Variants in ARL15 observed in about 807,000 individuals in gnomAD.
ARL15 encodes ARF like GTPase 15.
A neutral mutation model predicts 25.2 loss-of-function variants in ARL15; 19 were observed. The observed-to-expected ratio is 0.75, with a 90% CI of 0.53 to 1.10. The LOEUF is 1.10. ARL15 is among the 50% of genes least tolerant of loss of function. ARL15 has a pLI of 0.00. For synonymous variants in ARL15, 94 were observed against 86.8 expected, an observed-to-expected ratio of 1.08 and a Z score of -0.46; for missense variants, 220 against 246.0, an observed-to-expected ratio of 0.89 and a Z score of 0.71.
intron 1 of ARL15, among the ~76,000 whole-genome samples, chr5:54,252,728 T>C (rs1029515715): frequency 6.6e-6 from 1 of 152,170 alleles, no homozygotes; most frequent in Non-Finnish European, 1.5e-5. Context: ...AAGTTTGTTT[T>C]GTTTTGTATT....
At chr5:54,310,292 T>A in intron 1 of ARL15, 140 bp downstream of exon 1, 1 of 988,608 alleles carries the variant, frequency 1.0e-6, no homozygotes, top group South Asian at 1.8e-5. Context: ...GGGAAAGGCT[T>A]ACCAGCCGGC....
At chr5:54,229,544 A>C (rs1157730250) in intron 1 of ARL15, among the ~76,000 whole-genome samples, 1 of 152,232 alleles carries the variant, frequency 6.6e-6, no homozygotes, top group Non-Finnish European at 1.5e-5. Context: ...ACTAACAAAC[A>C]GTTTTAGAGA....
At position 54,052,467 on chromosome 5, in the gene ARL15, G is replaced by A. The variant is rs576745399; in HGVS notation, c.462+60735C>T. On this transcript the variant is annotated intron_variant, in intron 4 of 4. Transcript: ENST00000504924. ...AGACTAAAGGTAAAGGAAACTGTAC[G>A]TAAGAATTGTCTCCCACAGGGGTAT... Among the ~76,000 whole-genome samples the A allele has an allele frequency of 1.1e-4, 17 of 152,226 alleles. No homozygotes were observed. The South Asian group carries it at 1.7e-3, about 15-fold the overall frequency.
intron 4 of ARL15, among the ~76,000 whole-genome samples, chr5:53,900,498 A>T (rs1745027398): frequency 1.3e-5 from 2 of 151,768 alleles, no homozygotes; most frequent in Non-Finnish European, 1.5e-5. Context: ...TTGGATAATT[A>T]TTCCCTATTT....
chr5:54,308,558 A>T (rs1277608533), intron 1 of ARL15, among the ~76,000 whole-genome samples: 1 of 152,198 alleles, frequency 6.6e-6, no homozygotes, highest in African/African-American at 2.4e-5. Flanking sequence ...CAGGTAAAAC[A>T]AAAAGGCCAA....
chr5:54,055,421 C>T (rs900051234), intron 4 of ARL15, among the ~76,000 whole-genome samples: 3 of 127,020 alleles, frequency 2.4e-5, no homozygotes, highest in East Asian at 2.4e-4. Flanking sequence ...AGTGCTGTGG[C>T]GTGATCTTGG....
At chr5:54,243,734 A>G (rs1161438982) in intron 1 of ARL15, among the ~76,000 whole-genome samples, 1 of 152,254 alleles carries the variant, frequency 6.6e-6, no homozygotes, top group Non-Finnish European at 1.5e-5. Context: ...GAAGCTAGAA[A>G]ACAAATTTTG....
intron 4 of ARL15, among the ~76,000 whole-genome samples, chr5:53,915,893 G>A (rs1745629461): frequency 6.6e-6 from 1 of 152,096 alleles, no homozygotes; most frequent in Non-Finnish European, 1.5e-5. Context: ...TTCGCCTCTT[G>A]GTTCCCAATT....
At position 53,924,958 on chromosome 5, in the gene ARL15, A is replaced by T. The variant is rs889404704; in HGVS notation, c.463-38245T>A. 2.0e-5 allele frequency among the ~76,000 whole-genome samples: 3 copies of T among 152,304 alleles called. No homozygotes were observed. In the South Asian group the frequency reaches 6.2e-4, roughly 32 times the overall value. On this transcript the variant is annotated intron_variant, in intron 4 of 4. Transcript: ENST00000504924. ...GTTAGACATATTAGACACAAGAAAG[A>T]ATTCAACTCCTTCAAAAGGTGCTTA...
At chr5:54,063,783 T>C (rs1432728980) in intron 4 of ARL15, among the ~76,000 whole-genome samples, 1 of 152,214 alleles carries the variant, frequency 6.6e-6, no homozygotes, top group African/African-American at 2.4e-5. Flanking sequence ...ACCACTTCCA[T>C]GTCTTGCACT....
chr5:54,170,142 T>C (rs923099083), intron 2 of ARL15, among the ~76,000 whole-genome samples: 2 of 152,180 alleles, frequency 1.3e-5, no homozygotes, highest in African/African-American at 4.8e-5. Flanking sequence ...AAGCCAGGAA[T>C]TGAGACAGCC....
At chr5:54,028,109 G>A (rs1290158662) in intron 4 of ARL15, among the ~76,000 whole-genome samples, 1 of 151,950 alleles carries the variant, frequency 6.6e-6, no homozygotes, top group African/African-American at 2.4e-5. Context: ...TTTTAGTAAA[G>A]ACGGGGTTTC....
rs1561227273 is a variant in ARL15, at chr5:54,109,789, G to A, written c.462+3413C>T. 4.0e-5 allele frequency among the ~76,000 whole-genome samples: 6 copies of A among 151,868 alleles called. No homozygotes were observed. The South Asian group carries it at 1.2e-3, about 31-fold the overall frequency. On this transcript the variant is annotated intron_variant, in intron 4 of 4. Transcript: ENST00000504924. ...ACATAATAATAAATTTTTCTCGAAT[G>A]CTTTCTATAGAGAAAAATAGTTGAT...
chr5:54,256,169 T>C (rs1757355923), intron 1 of ARL15, among the ~76,000 whole-genome samples: 1 of 151,736 alleles, frequency 6.6e-6, no homozygotes. Flanking sequence ...TTAGCTACAC[T>C]AACCAAGAAA....
intron 1 of ARL15, among the ~76,000 whole-genome samples, chr5:54,258,456 G>T (rs1356994970): frequency 6.6e-6 from 1 of 152,156 alleles, no homozygotes; most frequent in Admixed American, 6.5e-5. Context: ...GAGATTCATA[G>T]AGAAAAATCA....
chr5:54,022,766 G>A (rs255749), intron 4 of ARL15, among the ~76,000 whole-genome samples: 101,033 of 152,012 alleles, frequency 0.66, 33,842 homozygotes, highest in East Asian at 0.85. Context: ...ATAAACGTGT[G>A]TGCCTTTTCT....
intron 4 of ARL15, among the ~76,000 whole-genome samples, chr5:54,018,743 C>G (rs981976052): frequency 1.3e-5 from 2 of 152,172 alleles, no homozygotes; most frequent in African/African-American, 4.8e-5. Context: ...AAACTAAGCT[C>G]CCCTCACCAT....
intron 4 of ARL15, among the ~76,000 whole-genome samples, chr5:53,979,796 G>A (rs1289913409): frequency 6.6e-6 from 1 of 151,628 alleles, no homozygotes; most frequent in Non-Finnish European, 1.5e-5. Flanking sequence ...TGGCAACTCT[G>A]CCTCAGTCAC....
At chr5:54,183,798 C>A (rs1349596399) in intron 1 of ARL15, among the ~76,000 whole-genome samples, 4 of 151,474 alleles carry the variant, frequency 2.6e-5, no homozygotes, top group African/African-American at 9.7e-5. Context: ...AACACATGCA[C>A]ACGTATGTTT....
Sources: allele counts gnomAD v4.1 joint callset (sites outside exome capture counted in the v4.1 genomes callset), GRCh38; gene constraint gnomAD v4.1.1; transcripts MANE v1.5; gene names NCBI Gene and HGNC (gene_info 2026-07-23, HGNC 2026-07-21).